The following PLCH1 variants were observed in gnomAD, a reference collection of about 807,000 sequenced individuals.
The protein encoded by PLCH1 is phospholipase C eta 1.
PLCH1 carries 60 observed loss-of-function variants against 126.7 expected under a neutral mutation model. The observed-to-expected ratio is 0.47, with a 90% CI of 0.38 to 0.59. The LOEUF is 0.59. PLCH1 is among the 20% of genes least tolerant of loss of function. The pLI is 0.00. For synonymous variants in PLCH1, 719 were observed against 734.9 expected (o/e 0.98, Z 0.35); for missense variants, 1,723 against 2,040.0 (o/e 0.84, Z 2.99).
At chr3:155,556,868 ATC>A (rs1481400180) in intron 8 of PLCH1, among the ~76,000 whole-genome samples, 3 of 152,194 alleles carry the variant, frequency 2.0e-5, no homozygotes, top group Non-Finnish European at 2.9e-5. Flanking sequence ...ACGAATCTCA[ATC>A]TCTTGCTTTC....
At chr3:155,736,623 A>C (rs1366881258) in intron 1 of PLCH1, among the ~76,000 whole-genome samples, 1 of 152,216 alleles carries the variant, frequency 6.6e-6, no homozygotes, top group Non-Finnish European at 1.5e-5. Context: ...ATGCTTTATG[A>C]GAGGAAAGAA....
intron 2 of PLCH1, among the ~76,000 whole-genome samples, chr3:155,604,435 C>T (rs1462302062): frequency 6.6e-6 from 1 of 151,992 alleles, no homozygotes. Flanking sequence ...ATTTAAAAGG[C>T]TTTTAAAAAC....
At chr3:155,552,940 C>T (rs1263479839) in intron 9 of PLCH1, among the ~76,000 whole-genome samples, 2 of 152,036 alleles carry the variant, frequency 1.3e-5, no homozygotes, top group Admixed American at 6.5e-5. Context: ...AGTGCTGCCC[C>T]TAACTATTAA....
At chr3:155,627,810 C>T (rs889630955) in intron 2 of PLCH1, among the ~76,000 whole-genome samples, 2 of 150,722 alleles carry the variant, frequency 1.3e-5, no homozygotes, top group African/African-American at 4.9e-5. Context: ...CTCCATCGCC[C>T]AGGCTGGAGT....
chr3:155,506,190 A>T (rs572239868), intron 12 of PLCH1, among the ~76,000 whole-genome samples: 80 of 152,102 alleles, frequency 5.3e-4, no homozygotes, highest in Non-Finnish European at 1.0e-3. Flanking sequence ...ATTAAATTCC[A>T]ATTTTACAGA....
chr3:155,629,517 A>T (rs918938650), intron 2 of PLCH1, among the ~76,000 whole-genome samples: 1 of 152,178 alleles, frequency 6.6e-6, no homozygotes, highest in African/African-American at 2.4e-5. Context: ...ATCTCAGTAA[A>T]TGGTTCCAGC....
At chr3:155,553,533 G>A (rs1318624695) in intron 9 of PLCH1, among the ~76,000 whole-genome samples, 2 of 151,992 alleles carry the variant, frequency 1.3e-5, no homozygotes, top group East Asian at 3.9e-4. Flanking sequence ...GAGGAATGAG[G>A]AAATAGATTA....
At chr3:155,532,539 T>A (rs1255869895) in intron 10 of PLCH1, among the ~76,000 whole-genome samples, 1 of 152,160 alleles carries the variant, frequency 6.6e-6, no homozygotes, top group African/African-American at 2.4e-5. Context: ...GATTGGACTA[T>A]GGGGGCAGAT....
intron 2 of PLCH1, among the ~76,000 whole-genome samples, chr3:155,702,240 A>G (rs1447289674): frequency 2.0e-5 from 3 of 152,244 alleles, no homozygotes; most frequent in Admixed American, 2.0e-4. Context: ...AAGAGAACTG[A>G]GTTCCTGAAA....
intron 14 of PLCH1, among the ~76,000 whole-genome samples, chr3:155,498,948 A>C (rs2108126243): frequency 6.6e-6 from 1 of 152,258 alleles, no homozygotes; most frequent in East Asian, 1.9e-4. Context: ...AACAAACCTA[A>C]ACTTTAGTGT....
intron 2 of PLCH1, among the ~76,000 whole-genome samples, chr3:155,682,831 A>G (rs1156703451): frequency 6.6e-6 from 1 of 152,234 alleles, no homozygotes; most frequent in Non-Finnish European, 1.5e-5. Context: ...CCAGTGTATT[A>G]CAAAAATTTT....
intron 13 of PLCH1, among the ~76,000 whole-genome samples, chr3:155,503,772 A>T (rs1257840861): frequency 6.6e-6 from 1 of 152,230 alleles, no homozygotes; most frequent in Non-Finnish European, 1.5e-5. Context: ...ACCTGACCTC[A>T]GGTGATCCAC....
intron 2 of PLCH1, among the ~76,000 whole-genome samples, chr3:155,656,419 A>G (rs1741377400): frequency 6.6e-6 from 1 of 152,232 alleles, no homozygotes; most frequent in African/African-American, 2.4e-5. Flanking sequence ...TTACACACAT[A>G]TAAAACTAAC....
chr3:155,541,128 T>A (rs962015042), intron 10 of PLCH1, among the ~76,000 whole-genome samples: 4 of 152,144 alleles, frequency 2.6e-5, no homozygotes, highest in African/African-American at 9.7e-5. Context: ...CTAAGTGAAG[T>A]AACTCAGGAA....
chr3:155,454,062 ATATAG>A (rs1712379088), intron 21 of PLCH1, among the ~76,000 whole-genome samples: 1 of 152,174 alleles, frequency 6.6e-6, no homozygotes, highest in Non-Finnish European at 1.5e-5. Context: ...CATAATAGTG[ATATAG>A]TATAGCAGCA....
intron 11 of PLCH1, among the ~76,000 whole-genome samples, chr3:155,523,099 G>C (rs867224180): frequency 9.2e-5 from 14 of 152,048 alleles, no homozygotes; most frequent in South Asian, 2.1e-4. Flanking sequence ...CTCAGCCTCC[G>C]GAGTAGCTAG....
At chr3:155,586,330 A>G in intron 4 of PLCH1, 136 bp from the exon 5 acceptor site, 1 of 756,306 alleles carries the variant, frequency 1.3e-6, no homozygotes, top group South Asian at 1.8e-5. Flanking sequence ...TGCAATCCAT[A>G]GGCTCTGATG....
intron 1 of PLCH1, among the ~76,000 whole-genome samples, chr3:155,720,374 G>T (rs1747857413): frequency 6.7e-6 from 1 of 149,926 alleles, no homozygotes; most frequent in East Asian, 2.0e-4. Context: ...CATCCACACT[G>T]ACATCTATTA....
At chr3:155,668,250 T>C (rs993996305) in intron 2 of PLCH1, among the ~76,000 whole-genome samples, 1 of 152,154 alleles carries the variant, frequency 6.6e-6, no homozygotes, top group Non-Finnish European at 1.5e-5. Flanking sequence ...AGCCTGCCAA[T>C]ATTTGCTTCA....
Sources: gnomAD v4.1 joint callset for allele counts (sites outside exome capture counted in the v4.1 genomes callset) on GRCh38, gnomAD v4.1.1 for gene constraint, MANE v1.5 for transcripts, NCBI Gene and HGNC (gene_info 2026-07-23, HGNC 2026-07-21) for gene names.